ZSWIM5: variants seen among roughly 807,000 people sequenced by gnomAD.
ZSWIM5 encodes the protein zinc finger SWIM domain-containing protein 5.
Under a neutral mutation model 119.6 loss-of-function variants are expected in ZSWIM5, and 55 were observed. The ratio of observed to expected loss-of-function variants is 0.46; its 90% CI spans 0.37 to 0.58. The LOEUF (loss-of-function observed/expected upper bound fraction) is 0.58, where lower values mean the gene tolerates loss of function less well. Ranked by LOEUF, ZSWIM5 falls within the 20% of genes least tolerant of loss-of-function variation. The pLI is 0.00. For missense variants in ZSWIM5, 1,193 were observed against 1,512.8 expected (o/e 0.79, Z 3.51); for synonymous variants, 537 against 606.9 (o/e 0.88, Z 1.69).
chr1:45,110,180 A>G (rs1259697114), intron 1 of ZSWIM5, among the ~76,000 whole-genome samples: 2 of 152,190 alleles, frequency 1.3e-5, no homozygotes, highest in African/African-American at 4.8e-5. Flanking sequence ...TATTTAAACA[A>G]TGTTTAAATT....
intron 1 of ZSWIM5, among the ~76,000 whole-genome samples, chr1:45,194,017 T>C (rs766377953): frequency 6.6e-6 from 1 of 151,858 alleles, no homozygotes; most frequent in Non-Finnish European, 1.5e-5. Context: ...TACAATAATA[T>C]AATATTCAGT....
At chr1:45,037,174 G>A (rs566263230) in intron 8 of ZSWIM5, among the ~76,000 whole-genome samples, 7 of 148,086 alleles carry the variant, frequency 4.7e-5, no homozygotes, top group African/African-American at 1.3e-4. Flanking sequence ...GCAGTGGCAC[G>A]GTATCGGCTT....
rs1645002428 is a variant in ZSWIM5 at position 45,038,967 on chromosome 1, G to T, written c.1863C>A (p.Arg621=). 8 of 1,614,014 alleles carry T rather than the reference G, an allele frequency of 5.0e-6. No individual in the cohort carries two copies. The highest frequency in any genetic ancestry group is 6.8e-6 in the Non-Finnish European group (8 of 1,180,024). The change falls in exon 8 of 14, where the codon CGC becomes CGA. Residue 621 remains arginine (R), a synonymous_variant. Coordinates refer to ENST00000359600, the MANE Select transcript of ZSWIM5 (RefSeq NM_020883.2). ...CLFLTLTEAC[R]LNDDGYLEMS... is the part of the protein sequence containing the mutation. ...TCTCCAGATAGCCATCATCATTCAGGCGGCAGGCCTCAGTCAAAGTGAGAA... is the reference window on the plus strand; with the variant it reads ...TCTCCAGATAGCCATCATCATTCAGTCGGCAGGCCTCAGTCAAAGTGAGAA...
At chr1:45,201,784 GGTTA>G (rs1198647667) in intron 1 of ZSWIM5, among the ~76,000 whole-genome samples, 2 of 152,018 alleles carry the variant, frequency 1.3e-5, no homozygotes, top group African/African-American at 4.8e-5. Flanking sequence ...CAAAATAGAT[GGTTA>G]AACACAGAAG....
Position 45,168,250 on chromosome 1 carries a change from C to T in ZSWIM5, c.595+37506G>A, listed in dbSNP as rs115489585. On this transcript the variant is annotated intron_variant, in intron 1 of 13. Transcript: ENST00000359600. ...CAGAAAACCAAACACCCCGTGTTCT[C>T]GCTCACAGGTGGGAATCGAACAATG... Among the ~76,000 whole-genome samples, 701 of 152,104 alleles carry T rather than the reference C, an allele frequency of 4.6e-3. 9 individuals carry two copies. The highest frequency in any genetic ancestry group is 0.016 in the African/African-American group (657 of 41,498).
At chr1:45,158,234 G>A (rs984288639) in intron 1 of ZSWIM5, among the ~76,000 whole-genome samples, 8 of 151,688 alleles carry the variant, frequency 5.3e-5, no homozygotes, top group South Asian at 2.1e-4. Flanking sequence ...GCATGATCTC[G>A]GCTTGCTCAC....
chr1:45,186,648 G>C (rs1025286842), intron 1 of ZSWIM5, among the ~76,000 whole-genome samples: 1 of 151,876 alleles, frequency 6.6e-6, no homozygotes, highest in Non-Finnish European at 1.5e-5. Flanking sequence ...CTCTGTCACC[G>C]AGGCTAGAGT....
chr1:45,070,431 T>C, intron 2 of ZSWIM5: 3 of 1,355,018 alleles, frequency 2.2e-6, no homozygotes, highest in Admixed American at 3.7e-5. Flanking sequence ...AGTCTCCATG[T>C]TGGTGGCAGC....
At chr1:45,060,379 T>C (rs996111794) in intron 2 of ZSWIM5, 132 bp from the exon 3 acceptor site, 1 of 849,024 alleles carries the variant, frequency 1.2e-6, no homozygotes, top group Non-Finnish European at 1.8e-6. Flanking sequence ...GTCAACTGTA[T>C]AGTCCTAAAC....
intron 11 of ZSWIM5, among the ~76,000 whole-genome samples, chr1:45,024,015 G>A (rs1479626427): frequency 6.6e-6 from 1 of 152,144 alleles, no homozygotes; most frequent in African/African-American, 2.4e-5. Context: ...CTTCTTTGGT[G>A]AGGTGTCTCT....
In ZSWIM5 at chr1:45,108,462, G is replaced by A. The variant is rs116510770; in HGVS notation, c.596-20225C>T. On this transcript the variant is annotated intron_variant, in intron 1 of 13. Transcript: ENST00000359600. ...CAATGGTTTATTTTTGAGAGCCTTC[G>A]AAATAGTTTTCAGATTTATTTTAAA... Among the ~76,000 whole-genome samples the A allele has an allele frequency of 2.8e-3, 420 of 152,154 alleles. 2 individuals are homozygous for A. Among genetic ancestry groups the A allele is most frequent in the African/African-American group, 9.4e-3 (390 of 41,520 alleles).
chr1:45,074,885 T>C (rs1645247356), intron 2 of ZSWIM5, among the ~76,000 whole-genome samples: 4 of 151,986 alleles, frequency 2.6e-5, no homozygotes, highest in Admixed American at 2.6e-4. Context: ...CTGCTTTTGC[T>C]GTATCCCATA....
At chr1:45,031,784 G>A (rs553178812) in intron 11 of ZSWIM5, among the ~76,000 whole-genome samples, 1 of 147,164 alleles carries the variant, frequency 6.8e-6, no homozygotes, top group African/African-American at 2.5e-5. Flanking sequence ...AGCTTGCAGT[G>A]AGCGGAGATC....
intron 9 of ZSWIM5, 26 bp downstream of exon 9, chr1:45,036,013 G>A (rs1192228395): frequency 8.1e-6 from 13 of 1,606,450 alleles, no homozygotes; most frequent in East Asian, 2.2e-5. Context: ...CAAAGACACC[G>A]TGACAAGAGA....
intron 1 of ZSWIM5, among the ~76,000 whole-genome samples, chr1:45,128,163 C>T (rs1447945628): frequency 6.6e-6 from 1 of 152,150 alleles, no homozygotes; most frequent in Non-Finnish European, 1.5e-5. Flanking sequence ...AAGTCAAAGG[C>T]ACTTAAATAC....
intron 1 of ZSWIM5, among the ~76,000 whole-genome samples, chr1:45,165,844 A>G (rs1570171045): frequency 2.0e-5 from 3 of 152,188 alleles, no homozygotes; most frequent in East Asian, 3.9e-4. Flanking sequence ...CAACCAAAAA[A>G]AGTCCAGGAC....
intron 1 of ZSWIM5, among the ~76,000 whole-genome samples, chr1:45,122,583 G>A (rs1645598996): frequency 6.6e-6 from 1 of 152,188 alleles, no homozygotes; most frequent in Admixed American, 6.5e-5. Context: ...CCCAAGGAAT[G>A]ACACAGTGAG....
intron 1 of ZSWIM5, among the ~76,000 whole-genome samples, chr1:45,100,030 A>G (rs570337369): frequency 2.0e-5 from 3 of 152,290 alleles, no homozygotes; most frequent in South Asian, 4.1e-4. Flanking sequence ...TCAACATAGT[A>G]TTGGAAGTTC....
chr1:45,162,151 T>C (rs1645867431), intron 1 of ZSWIM5, among the ~76,000 whole-genome samples: 1 of 152,240 alleles, frequency 6.6e-6, no homozygotes, highest in Non-Finnish European at 1.5e-5. Flanking sequence ...CTCCCAGTTA[T>C]GTACAACAGA....
Sources: gnomAD v4.1 joint callset for allele counts (sites outside exome capture counted in the v4.1 genomes callset) on GRCh38, gnomAD v4.1.1 for gene constraint, MANE v1.5 for transcripts, NCBI Gene and HGNC (gene_info 2026-07-23, HGNC 2026-07-21) for gene names.